The following PLG variants were observed in gnomAD, a reference collection of about 807,000 sequenced individuals.
PLG encodes the protein plasmin.
In PLG, 41 loss-of-function variants were observed where a neutral mutation model predicts 104.4. That is an observed-to-expected ratio of 0.39 (90% CI 0.31 to 0.51). The LOEUF is 0.51. Among genes scored for constraint, PLG ranks in the 20% least tolerant of loss-of-function variants. PLG has a pLI of 0.76. For missense variants in PLG, 891 were observed against 1,003.6 expected (o/e 0.89, Z 1.52); for synonymous variants, 337 against 357.1 (o/e 0.94, Z 0.63).
At chr6:160,714,679 G>T (rs774373943) in intron 5 of PLG, 115 bp from the exon 6 acceptor site, 1 of 952,226 alleles carries the variant, frequency 1.1e-6, no homozygotes, top group African/African-American at 1.6e-5. Flanking sequence ...GAATTACATC[G>T]GAATGAGAGG....
At position 160,702,266 on chromosome 6, in the gene PLG, T is replaced by C. The variant is rs187896045; in HGVS notation, c.-39T>C. 6.2e-7 allele frequency: 1 copy of C among 1,608,784 alleles called. No homozygotes were observed. The highest frequency in any genetic ancestry group is 2.2e-5 in the East Asian group (1 of 44,874). On this transcript the variant is annotated 5_prime_UTR_variant, in exon 1 of 19. Coordinates refer to ENST00000308192, the MANE Select transcript of PLG (RefSeq NM_000301.5). ...CATGTAAGTCAACAACATCCTGGGA[T>C]TGGGACCCACTTTCTGGGCACTGCT...
rs1358632594 is a variant in PLG, at chr6:160,726,778, T to C, written c.1256+4211T>C. ...AATATTCATAGTATATATTACAAAA[T>C]GAAAGCTCTTTAGGGTCCCCAATAC... On this transcript the variant is annotated intron_variant, in intron 10 of 18. Transcript: ENST00000308192. This position sits in a 1 kb window ranked among gnomAD's most constrained non-coding sequence, Gnocchi z 4.4. Among the ~76,000 whole-genome samples the C allele has an allele frequency of 3.3e-5, 5 of 151,964 alleles. No homozygotes were observed. The highest frequency in any genetic ancestry group is 1.5e-5 in the Non-Finnish European group (1 of 67,866).
intron 17 of PLG, among the ~76,000 whole-genome samples, chr6:160,745,414 C>CT (rs1222075344): frequency 6.6e-6 from 1 of 151,914 alleles, no homozygotes; most frequent in Non-Finnish European, 1.5e-5. Flanking sequence ...CCTTCTTTGT[C>CT]TTTTTTGGTC....
In PLG at chr6:160,730,133, G is replaced by T. The variant is rs79337140; in HGVS notation, c.1257-918G>T. 2.2e-3 allele frequency among the ~76,000 whole-genome samples: 328 copies of T among 152,180 alleles called. 3 individuals carry two copies. Among genetic ancestry groups the T allele is most frequent in the African/African-American group, 7.2e-3 (297 of 41,444 alleles). On this transcript the variant is annotated intron_variant, in intron 10 of 18. Coordinates refer to ENST00000308192, the MANE Select transcript of PLG (RefSeq NM_000301.5). ...GGAGCAACATTCTTGGGAGGCATGA[G>T]GGGGAGCACATTCTCCAAGATCCCC...
At chr6:160,727,368 T>C (rs1777936048) in intron 10 of PLG, among the ~76,000 whole-genome samples, 1 of 148,388 alleles carries the variant, frequency 6.7e-6, no homozygotes, top group African/African-American at 2.6e-5. Context: ...ATTAGAAATG[T>C]TATTATTTAA....
chr6:160,718,954 A>G, intron 9 of PLG, 116 bp downstream of exon 9: 2 of 915,130 alleles, frequency 2.2e-6, no homozygotes, highest in Non-Finnish European at 3.5e-6. Context: ...TGTGGTCAGA[A>G]AGCCTGCCCT....
intron 2 of PLG, 54 bp from the exon 3 acceptor site, chr6:160,707,641 ACATTT>A (rs1777554280): frequency 6.8e-7 from 1 of 1,464,580 alleles, no homozygotes; most frequent in Non-Finnish European, 9.6e-7. Flanking sequence ...TTATTAATAA[ACATTT>A]GTTTTCTTTA....
intron 17 of PLG, among the ~76,000 whole-genome samples, chr6:160,748,901 T>TG (rs1476495946): frequency 1.3e-5 from 2 of 152,192 alleles, no homozygotes; most frequent in Non-Finnish European, 2.9e-5. Context: ...CGAACTTGTG[T>TG]CACCAGCCTG....
intron 17 of PLG, among the ~76,000 whole-genome samples, chr6:160,748,162 G>A (rs150196478): frequency 3.3e-5 from 5 of 151,258 alleles, no homozygotes; most frequent in East Asian, 2.0e-4. Flanking sequence ...AAAATTAGCC[G>A]GGTGTGGTAG....
chr6:160,739,446 A>C lies in PLG; in HGVS notation c.2018+238A>C, dbSNP rs1162525933. Among the ~76,000 whole-genome samples the C allele has an allele frequency of 6.6e-6, 1 of 152,030 alleles. No homozygotes were observed. The highest frequency in any genetic ancestry group is 1.9e-4 in the East Asian group (1 of 5,180). ...TGTGGAAAAAGAGTTGAAATGAGGT[A>C]CTCTGTTACTCCTAGAACTCACTTA... On this transcript the variant is annotated intron_variant, in intron 16 of 18. Transcript: ENST00000308192. This position sits in a 1 kb window ranked among gnomAD's most constrained non-coding sequence, Gnocchi z 4.4.
chr6:160,714,183 G>T (rs1251752775), intron 5 of PLG, among the ~76,000 whole-genome samples: 2 of 152,116 alleles, frequency 1.3e-5, no homozygotes, highest in East Asian at 3.8e-4. Flanking sequence ...CAATAATTCT[G>T]AATCAAAGTT....
rs1272720139 is a variant in PLG at position 160,737,867 on chromosome 6, A to G, written c.1803-671A>G. 6.6e-6 allele frequency among the ~76,000 whole-genome samples: 1 copy of G among 152,174 alleles called. No individual in the cohort carries two copies. Among genetic ancestry groups the G allele is most frequent in the Non-Finnish European group, 1.5e-5 (1 of 68,030 alleles). On this transcript the variant is annotated intron_variant, in intron 14 of 18. Coordinates refer to ENST00000308192, the MANE Select transcript of PLG (RefSeq NM_000301.5). This position sits in a 1 kb window ranked among gnomAD's most constrained non-coding sequence, Gnocchi z 4.7. ...GCTCTACAGAGCTTTCACCTTCCAC[A>G]TATTTCAGATTCATTCTTTCCTAAA...
chr6:160,706,768 G>A (rs200723447), intron 2 of PLG, among the ~76,000 whole-genome samples: 7 of 152,132 alleles, frequency 4.6e-5, no homozygotes, highest in South Asian at 4.2e-4. Flanking sequence ...TTTTTACACC[G>A]GACACAAACA....
Position 160,740,929 on chromosome 6 carries a change from G to A in PLG, c.2019-382G>A, listed in dbSNP as rs1778182194. 6.6e-6 allele frequency among the ~76,000 whole-genome samples: 1 copy of A among 152,174 alleles called. No homozygotes were observed. Among genetic ancestry groups the A allele is most frequent in the African/African-American group, 2.4e-5 (1 of 41,432 alleles). ...TTTGCAATTTTACAGCCTCTTGGTG[G>A]CATCTCAGTCAGACATTCCATGCAC... On this transcript the variant is annotated intron_variant, in intron 16 of 18. Transcript: ENST00000308192. This position sits in a 1 kb window ranked among gnomAD's most constrained non-coding sequence, Gnocchi z 5.2.
chr6:160,711,930 G>A, intron 4 of PLG: 2 of 1,310,366 alleles, frequency 1.5e-6, no homozygotes, highest in Non-Finnish European at 2.0e-6. Flanking sequence ...GCATTTTTTT[G>A]TACTTTTCCC....
chr6:160,710,935 T>C lies in PLG; in HGVS notation c.293-142T>C. 5.4e-6 allele frequency: 4 copies of C among 746,820 alleles called. No homozygotes were observed. In the Admixed American group the frequency reaches 6.2e-5, roughly 12 times the overall value. 46.3% of individuals were successfully genotyped at this position (746,820 alleles called of 1,614,324 possible). The stretch of plus-strand genomic sequence containing the variant: ...ATGGCTCAGTTTACTGCAGCCTTTT[T>C]GCAGATGCAAAAGATGATCTTTTAG... On this transcript the variant is annotated intron_variant, in intron 3 of 18. Transcript: ENST00000308192.
At chr6:160,728,192 A>G (rs1777947904) in intron 10 of PLG, among the ~76,000 whole-genome samples, 1 of 152,062 alleles carries the variant, frequency 6.6e-6, no homozygotes, top group South Asian at 2.1e-4. Context: ...TCAGAGCAAT[A>G]CCACTGACAA....
At chr6:160,751,137 G>A (rs1778392700) in intron 17 of PLG, among the ~76,000 whole-genome samples, 1 of 152,168 alleles carries the variant, frequency 6.6e-6, no homozygotes, top group South Asian at 2.1e-4. Flanking sequence ...CACCCTTTTA[G>A]AAAATAATTT....
At position 160,702,681 on chromosome 6, in the gene PLG, C is replaced by T. The variant is rs563744201; in HGVS notation, c.49+328C>T. Among the ~76,000 whole-genome samples, 3 of 152,332 alleles carry T rather than the reference C, an allele frequency of 2.0e-5. No homozygotes were observed. The South Asian group carries it at 6.2e-4, about 32-fold the overall frequency. ...ACGGCTAAGCTCTTTGCCTGGTTCT[C>T]AGTTTGACTAATTTATATCATCTCT... On this transcript the variant is annotated intron_variant, in intron 1 of 18. Transcript: ENST00000308192.
Sources: allele counts gnomAD v4.1 joint callset (sites outside exome capture counted in the v4.1 genomes callset), GRCh38; gene constraint gnomAD v4.1.1; non-coding constraint Gnocchi (gnomAD v3.1); transcripts MANE v1.5; gene names NCBI Gene and HGNC (gene_info 2026-07-23, HGNC 2026-07-21).